Variants in CSRNP3 observed in about 807,000 individuals in gnomAD.
CSRNP3 encodes cysteine and serine rich nuclear protein 3.
Under a neutral mutation model 48.0 loss-of-function variants are expected in CSRNP3, and 12 were observed. That is an observed-to-expected ratio of 0.25 (90% CI 0.16 to 0.41). The LOEUF is 0.41. Ranked by LOEUF, CSRNP3 falls within the 10% of genes least tolerant of loss-of-function variation. The probability of loss-of-function intolerance (pLI) is 1.00; values close to 1 mark genes in which losing one functional copy is unlikely to be tolerated. For missense variants in CSRNP3, 580 were observed against 724.4 expected (o/e 0.80, Z 2.29); for synonymous variants, 263 against 269.7 (o/e 0.98, Z 0.24).
intron 3 of CSRNP3, among the ~76,000 whole-genome samples, chr2:165,570,562 C>A: frequency 6.7e-6 from 1 of 150,274 alleles, no homozygotes; most frequent in Admixed American, 6.7e-5. Context: ...CATTGGGCAA[C>A]CTTTTTATTT....
intron 3 of CSRNP3, among the ~76,000 whole-genome samples, chr2:165,589,492 G>T (rs926154378): frequency 1.3e-5 from 2 of 152,176 alleles, no homozygotes; most frequent in Admixed American, 6.5e-5. Context: ...GGGTGTAGGT[G>T]TATGTTAAGA....
intron 3 of CSRNP3, among the ~76,000 whole-genome samples, chr2:165,525,795 T>C (rs1444651715): frequency 6.6e-6 from 1 of 152,120 alleles, no homozygotes; most frequent in African/African-American, 2.4e-5. Flanking sequence ...CCTGATGTTA[T>C]ATCTAAGAGG....
intron 3 of CSRNP3, among the ~76,000 whole-genome samples, chr2:165,559,229 T>G (rs1685199344): frequency 6.6e-6 from 1 of 152,246 alleles, no homozygotes. Context: ...TTGCCACTTT[T>G]GTTAATAAAT....
rs1574813566 is a variant in CSRNP3 at position 165,513,065 on chromosome 2, A to G, written c.-112-4808A>G. 2.0e-5 allele frequency among the ~76,000 whole-genome samples: 3 copies of G among 152,066 alleles called. No individual in the cohort carries two copies. In the East Asian group the frequency reaches 5.8e-4, roughly 29 times the overall value. ...GGTTGCAGTGAGCCGAGATCCCACC[A>G]CTGCACTCCAGCCTGAGTGACAGAG... is the stretch of plus-strand genomic sequence containing the variant. On this transcript the variant is annotated intron_variant, in intron 2 of 6. Transcript: ENST00000651982.
chr2:165,536,985 G>A (rs1315262272), intron 3 of CSRNP3, among the ~76,000 whole-genome samples: 1 of 151,706 alleles, frequency 6.6e-6, no homozygotes, highest in African/African-American at 2.4e-5. Context: ...TCTCCAAAGG[G>A]AAATTGAAAC....
At chr2:165,516,669 A>G (rs949566870) in intron 2 of CSRNP3, among the ~76,000 whole-genome samples, 2 of 152,148 alleles carry the variant, frequency 1.3e-5, no homozygotes, top group African/African-American at 2.4e-5. Flanking sequence ...TCTTAAGTTC[A>G]TCTACCAAAT....
At position 165,679,633 on chromosome 2, in the gene CSRNP3, A is replaced by G. The variant is rs1220571110; in HGVS notation, c.1638A>G (p.Ala546=). 1.9e-6 allele frequency: 3 copies of G among 1,614,156 alleles called. No individual in the cohort carries two copies. Among genetic ancestry groups the G allele is most frequent in the Middle Eastern group, 1.6e-4 (1 of 6,062 alleles). ...CCTCCCAAGAAGGGTTTGTCTCTGC[A>G]TTGAATGGTGACAGTCACATTTCAG... ...KGPSQEGFVS[A]LNGDSHISEH... is the part of the protein sequence containing the mutation. Residue 546 remains alanine (A), a synonymous_variant, in exon 7 of 7, where the codon GCA becomes GCG. Coordinates refer to ENST00000651982, the MANE Select transcript of CSRNP3 (RefSeq NM_001172173.2).
chr2:165,656,932 T>C (rs967158403), intron 4 of CSRNP3, among the ~76,000 whole-genome samples: 1 of 152,244 alleles, frequency 6.6e-6, no homozygotes, highest in Non-Finnish European at 1.5e-5. Flanking sequence ...ATTATAGTTG[T>C]CCCTGGTTAT....
chr2:165,558,387 A>G (rs1334716766), intron 3 of CSRNP3, among the ~76,000 whole-genome samples: 2 of 152,202 alleles, frequency 1.3e-5, no homozygotes, highest in South Asian at 2.1e-4. Flanking sequence ...AGCAGTCCAC[A>G]TGACCAGCTT....
Position 165,642,639 on chromosome 2 carries a change from T to C in CSRNP3, c.149-15122T>C, listed in dbSNP as rs144385400. Among the ~76,000 whole-genome samples, 1,084 of 151,996 alleles carry C rather than the reference T, an allele frequency of 7.1e-3. 16 individuals carry two copies. The highest frequency in any genetic ancestry group is 0.025 in the African/African-American group (1,030 of 41,462). ...GTGCAATGGTGTGATCTCAGCTCAC[T>C]GCGACCTCCGCCTCCCAGGTTCAAG... On this transcript the variant is annotated intron_variant, in intron 4 of 6. Coordinates refer to ENST00000651982, the MANE Select transcript of CSRNP3 (RefSeq NM_001172173.2).
At chr2:165,628,730 A>G (rs1329993999) in intron 4 of CSRNP3, among the ~76,000 whole-genome samples, 1 of 152,056 alleles carries the variant, frequency 6.6e-6, no homozygotes, top group African/African-American at 2.4e-5. Flanking sequence ...GTCTCCAAAA[A>G]AAATAAATCA....
At chr2:165,605,077 G>A (rs911671144) in intron 4 of CSRNP3, among the ~76,000 whole-genome samples, 4 of 152,032 alleles carry the variant, frequency 2.6e-5, no homozygotes, top group African/African-American at 4.8e-5. Context: ...CCTTCCAGAC[G>A]CCCTCTCTGC....
At chr2:165,601,237 G>A (rs1338555263) in intron 4 of CSRNP3, among the ~76,000 whole-genome samples, 2 of 152,184 alleles carry the variant, frequency 1.3e-5, no homozygotes, top group East Asian at 3.9e-4. Context: ...GAGAGCTACA[G>A]AGAAACTAGA....
chr2:165,589,649 A>T (rs1283779271), intron 3 of CSRNP3, among the ~76,000 whole-genome samples: 2 of 152,212 alleles, frequency 1.3e-5, no homozygotes, highest in Non-Finnish European at 2.9e-5. Context: ...ACATGAACCT[A>T]TAACTCCATT....
chr2:165,499,897 T>C (rs1684333199), intron 2 of CSRNP3, among the ~76,000 whole-genome samples: 1 of 152,058 alleles, frequency 6.6e-6, no homozygotes, highest in South Asian at 2.1e-4. Flanking sequence ...ACAAATATTA[T>C]AATAAGGGAG....
chr2:165,566,757 A>G (rs956477500), intron 3 of CSRNP3: 1 of 151,896 alleles, frequency 6.6e-6, no homozygotes, highest in African/African-American at 2.4e-5. Flanking sequence ...ACGTCTCTTT[A>G]TATCTATCCC....
intron 5 of CSRNP3, among the ~76,000 whole-genome samples, chr2:165,669,912 CATAAA>C (rs1250174503): frequency 6.6e-6 from 1 of 152,086 alleles, no homozygotes; most frequent in Non-Finnish European, 1.5e-5. Flanking sequence ...ATAGGATAAA[CATAAA>C]ATAAAGATGA....
intron 3 of CSRNP3, among the ~76,000 whole-genome samples, chr2:165,520,922 G>T (rs1182311267): frequency 2.0e-5 from 3 of 149,190 alleles, no homozygotes; most frequent in Admixed American, 2.0e-4. Context: ...CAACCTCCTG[G>T]GCTCAAGTGA....
chr2:165,654,068 C>T (rs1686963579), intron 4 of CSRNP3, among the ~76,000 whole-genome samples: 1 of 139,508 alleles, frequency 7.2e-6, no homozygotes. Context: ...TTTTCCTTGT[C>T]TATAAATTTA....
Sources: allele counts gnomAD v4.1 joint callset (sites outside exome capture counted in the v4.1 genomes callset), GRCh38; gene constraint gnomAD v4.1.1; transcripts MANE v1.5; gene names NCBI Gene and HGNC (gene_info 2026-07-23, HGNC 2026-07-21).